The following BCL2 variants were observed in gnomAD, a reference collection of about 807,000 sequenced individuals.
The protein encoded by BCL2 is BCL2 apoptosis regulator.
BCL2 carries 1 observed loss-of-function variant against 14.2 expected under a neutral mutation model. The observed-to-expected ratio is 0.07, with a 90% CI of 0.02 to 0.33. The LOEUF (loss-of-function observed/expected upper bound fraction) is 0.33. Ranked by LOEUF, BCL2 falls within the 10% of genes least tolerant of loss-of-function variation. The pLI, the probability that BCL2 is intolerant of heterozygous loss-of-function variation, is 0.99. For synonymous variants in BCL2, 151 were observed against 137.2 expected, an observed-to-expected ratio of 1.10 and a Z score of -0.70; for missense variants, 247 against 305.9, an observed-to-expected ratio of 0.81 and a Z score of 1.44.
chr18:63,243,418 G>T (rs950181109), intron 2 of BCL2, among the ~76,000 whole-genome samples: 1 of 152,094 alleles, frequency 6.6e-6, no homozygotes, highest in African/African-American at 2.4e-5. Flanking sequence ...TGAGTACTGG[G>T]CTTAAAACCT....
intron 2 of BCL2, among the ~76,000 whole-genome samples, chr18:63,235,347 C>A (rs1437382119): frequency 6.6e-6 from 1 of 152,122 alleles, no homozygotes; most frequent in African/African-American, 2.4e-5. Context: ...AAGAACATAT[C>A]AAAAAGCTAG....
chr18:63,159,897 G>A (rs1198160984), intron 2 of BCL2, among the ~76,000 whole-genome samples: 3 of 152,178 alleles, frequency 2.0e-5, no homozygotes. Context: ...TGGCCAACTC[G>A]AATCGTTTTC....
At chr18:63,242,670 G>A (rs1911041637) in intron 2 of BCL2, among the ~76,000 whole-genome samples, 1 of 152,134 alleles carries the variant, frequency 6.6e-6, no homozygotes. Flanking sequence ...CACAAAACAA[G>A]GAGGGCATTC....
At chr18:63,185,574 A>C (rs1915576074) in intron 2 of BCL2, among the ~76,000 whole-genome samples, 1 of 152,270 alleles carries the variant, frequency 6.6e-6, no homozygotes, top group South Asian at 2.1e-4. Context: ...TGCATCTTAC[A>C]AAGAAGAAAC....
At chr18:63,262,196 C>A (rs369679869) in intron 2 of BCL2, among the ~76,000 whole-genome samples, 2 of 152,254 alleles carry the variant, frequency 1.3e-5, no homozygotes, top group Admixed American at 6.5e-5. Flanking sequence ...GGATTACAGG[C>A]GTGAGTCACT....
intron 2 of BCL2, among the ~76,000 whole-genome samples, chr18:63,182,598 C>T (rs1915504615): frequency 6.6e-6 from 1 of 152,180 alleles, no homozygotes; most frequent in Non-Finnish European, 1.5e-5. Flanking sequence ...CTACCACAGC[C>T]ACCCTGCATA....
chr18:63,253,224 A>G (rs1220605627), intron 2 of BCL2, among the ~76,000 whole-genome samples: 1 of 152,190 alleles, frequency 6.6e-6, no homozygotes, highest in Non-Finnish European at 1.5e-5. Flanking sequence ...GATGAGCAGA[A>G]GGAGCCCCAG....
intron 2 of BCL2, among the ~76,000 whole-genome samples, chr18:63,193,018 C>T (rs146946288): frequency 1.4e-3 from 214 of 152,326 alleles, no homozygotes; most frequent in Non-Finnish European, 2.8e-3. Context: ...TGAAATGTCA[C>T]ACTCAACCAT....
At chr18:63,189,296 C>T (rs1009886880) in intron 2 of BCL2, among the ~76,000 whole-genome samples, 2 of 152,036 alleles carry the variant, frequency 1.3e-5, no homozygotes, top group Admixed American at 6.6e-5. Flanking sequence ...ACAATCCAGT[C>T]ATACTAATAA....
At chr18:63,134,231 T>C (rs549662887) in intron 2 of BCL2, among the ~76,000 whole-genome samples, 1 of 152,346 alleles carries the variant, frequency 6.6e-6, no homozygotes, top group East Asian at 1.9e-4. Context: ...ACATGTATAT[T>C]ACTATTTATG....
At chr18:63,238,548 T>G (rs1910902587) in intron 2 of BCL2, among the ~76,000 whole-genome samples, 1 of 152,192 alleles carries the variant, frequency 6.6e-6, no homozygotes. Flanking sequence ...AATGTATGTA[T>G]TTGCAATGTT....
chr18:63,127,034 AT>A lies in BCL2; in HGVS notation c.*1590del, dbSNP rs5825508. On this transcript the variant is annotated 3_prime_UTR_variant, in exon 3 of 3. Transcript: ENST00000333681. The stretch of plus-strand genomic sequence containing the variant: ...ACTTCTTTATAGTTCCCCACCATTG[AT>A]TTTTTTTTTAATGCCCCAGGATGTA... 33,842 of 209,456 alleles carry A rather than the reference AT, an allele frequency of 0.16. 3,546 individuals carry two copies. The highest frequency in any genetic ancestry group is 0.35 in the African/African-American group (15,490 of 44,034). 13.0% of individuals were successfully genotyped at this position (209,456 alleles called of 1,614,324 possible).
Position 63,125,442 on chromosome 18 carries a change from G to A in BCL2, c.*3183C>T, listed in dbSNP as rs41306972. The A allele has an allele frequency of 7.2e-4, 159 of 221,850 alleles. No homozygotes were observed. Among genetic ancestry groups the A allele is most frequent in the Non-Finnish European group, 1.0e-3 (114 of 110,792 alleles). 13.7% of individuals were successfully genotyped at this position (221,850 alleles called of 1,614,324 possible). ...TGTGCAGCGAGGGACTGGGAGGGCC[G>A]AGGAGGTTCTCAGATGTTCTTCTCC... On this transcript the variant is annotated 3_prime_UTR_variant, in exon 3 of 3. Transcript: ENST00000333681.
chr18:63,308,539 T>C (rs1014589252), intron 2 of BCL2, among the ~76,000 whole-genome samples: 6 of 152,188 alleles, frequency 3.9e-5, no homozygotes, highest in African/African-American at 9.7e-5. Context: ...TATAAACAGA[T>C]AGAATGTGAC....
At chr18:63,273,308 G>A (rs904262030) in intron 2 of BCL2, among the ~76,000 whole-genome samples, 2 of 152,148 alleles carry the variant, frequency 1.3e-5, no homozygotes, top group African/African-American at 4.8e-5. Flanking sequence ...TGTGTCAGCC[G>A]ACGAAGAACT....
intron 2 of BCL2, among the ~76,000 whole-genome samples, chr18:63,250,547 T>C (rs1372131108): frequency 6.6e-6 from 1 of 152,222 alleles, no homozygotes; most frequent in Non-Finnish European, 1.5e-5. Flanking sequence ...CAAAAGCATA[T>C]ACTATTCAAA....
chr18:63,167,735 G>A (rs1014875379), intron 2 of BCL2, among the ~76,000 whole-genome samples: 1 of 152,120 alleles, frequency 6.6e-6, no homozygotes, highest in Non-Finnish European at 1.5e-5. Flanking sequence ...AGACTATCCT[G>A]GCCAACATGG....
intron 2 of BCL2, among the ~76,000 whole-genome samples, chr18:63,199,946 A>G (rs1185166702): frequency 6.6e-6 from 1 of 152,018 alleles, no homozygotes; most frequent in African/African-American, 2.4e-5. Flanking sequence ...GCACACACAC[A>G]CACGCACACA....
At chr18:63,187,272 G>A (rs1288484792) in intron 2 of BCL2, among the ~76,000 whole-genome samples, 1 of 152,174 alleles carries the variant, frequency 6.6e-6, no homozygotes, top group Non-Finnish European at 1.5e-5. Context: ...GAATGTTTTT[G>A]TACCCTGGTA....
Sources: allele counts gnomAD v4.1 joint callset (sites outside exome capture counted in the v4.1 genomes callset), GRCh38; gene constraint gnomAD v4.1.1; transcripts MANE v1.5; gene names NCBI Gene and HGNC (gene_info 2026-07-23, HGNC 2026-07-21).